GPM6A: variants seen among roughly 807,000 people sequenced by gnomAD.
The protein encoded by GPM6A is neuronal membrane glycoprotein M6-a.
GPM6A carries 7 observed loss-of-function variants against 32.1 expected under a neutral mutation model. The ratio of observed to expected loss-of-function variants is 0.22; its 90% CI spans 0.12 to 0.41. The LOEUF (loss-of-function observed/expected upper bound fraction) is 0.41, where lower values mean the gene tolerates loss of function less well. Among genes scored for constraint, GPM6A ranks in the 10% least tolerant of loss-of-function variants. GPM6A has a pLI of 1.00. For synonymous variants in GPM6A, 130 were observed against 123.4 expected, an observed-to-expected ratio of 1.05 and a Z score of -0.35; for missense variants, 235 against 347.2, an observed-to-expected ratio of 0.68 and a Z score of 2.57.
At chr4:175,855,936 G>A (rs1736400642) in intron 1 of GPM6A, among the ~76,000 whole-genome samples, 2 of 152,214 alleles carry the variant, frequency 1.3e-5, no homozygotes. Flanking sequence ...GAGCACGTAA[G>A]AGCCTAGCGC....
At chr4:175,691,392 A>G (rs1414039471) in intron 2 of GPM6A, among the ~76,000 whole-genome samples, 1 of 152,200 alleles carries the variant, frequency 6.6e-6, no homozygotes, top group African/African-American at 2.4e-5. Flanking sequence ...CAACTGTTTT[A>G]CTAATTGTAA....
At chr4:175,682,682 G>A (rs566225923) in intron 2 of GPM6A, among the ~76,000 whole-genome samples, 19 of 152,230 alleles carry the variant, frequency 1.2e-4, no homozygotes, top group African/African-American at 4.6e-4. Context: ...GGCTCAAAAG[G>A]CACCAGATAC....
intron 1 of GPM6A, among the ~76,000 whole-genome samples, chr4:175,774,499 A>T (rs1733316755): frequency 6.6e-6 from 1 of 151,970 alleles, no homozygotes; most frequent in Non-Finnish European, 1.5e-5. Flanking sequence ...AAACAATCAA[A>T]CTCACCTCTG....
chr4:175,852,764 C>G (rs1736298317), intron 1 of GPM6A, among the ~76,000 whole-genome samples: 1 of 152,118 alleles, frequency 6.6e-6, no homozygotes, highest in Admixed American at 6.6e-5. Flanking sequence ...AAGTCCTTTT[C>G]CATCTGCTGT....
intron 1 of GPM6A, among the ~76,000 whole-genome samples, chr4:175,772,389 A>C (rs1275202437): frequency 6.6e-6 from 1 of 152,188 alleles, no homozygotes; most frequent in Non-Finnish European, 1.5e-5. Flanking sequence ...GCAATGTGAG[A>C]GAAGAATGTC....
At chr4:175,818,649 T>A (rs1735184231) in intron 1 of GPM6A, among the ~76,000 whole-genome samples, 1 of 152,252 alleles carries the variant, frequency 6.6e-6, no homozygotes, top group Non-Finnish European at 1.5e-5. Flanking sequence ...AATAAATGAA[T>A]GAACAAACTC....
intron 1 of GPM6A, among the ~76,000 whole-genome samples, chr4:175,866,436 C>T (rs1280884926): frequency 6.6e-6 from 1 of 152,166 alleles, no homozygotes; most frequent in Non-Finnish European, 1.5e-5. Context: ...ACCTCTCCAT[C>T]CCTCAACCCC....
At chr4:175,869,497 G>A (rs1266525483) in intron 1 of GPM6A, among the ~76,000 whole-genome samples, 3 of 151,388 alleles carry the variant, frequency 2.0e-5, no homozygotes, top group Non-Finnish European at 4.4e-5. Context: ...GGTGGCTCAC[G>A]TCTGTAATCC....
At chr4:175,835,738 T>C (rs1400958207) in intron 1 of GPM6A, among the ~76,000 whole-genome samples, 1 of 147,468 alleles carries the variant, frequency 6.8e-6, no homozygotes, top group Admixed American at 6.8e-5. Flanking sequence ...ATATATAATA[T>C]ATTATTTTTT....
At chr4:175,901,642 C>CTTTT (rs59429547) in intron 1 of GPM6A, among the ~76,000 whole-genome samples, 33 of 119,450 alleles carry the variant, frequency 2.8e-4, no homozygotes, top group African/African-American at 9.2e-4. Context: ...TTTTTTTTTC[C>CTTTT]TTTTTTTTTT....
At chr4:175,918,527 A>G (rs1004877061) in intron 1 of GPM6A, among the ~76,000 whole-genome samples, 1 of 152,184 alleles carries the variant, frequency 6.6e-6, no homozygotes, top group Non-Finnish European at 1.5e-5. Context: ...AAAGCTACAA[A>G]TGAATTCTGG....
chr4:175,827,852 C>T (rs1735487113), intron 1 of GPM6A, among the ~76,000 whole-genome samples: 1 of 152,158 alleles, frequency 6.6e-6, no homozygotes, highest in Non-Finnish European at 1.5e-5. Flanking sequence ...TTGGCACAGA[C>T]ATGGTTGGCA....
intron 6 of GPM6A, among the ~76,000 whole-genome samples, chr4:175,637,019 T>C (rs1740664955): frequency 7.5e-6 from 1 of 133,350 alleles, no homozygotes; most frequent in Non-Finnish European, 1.6e-5. Flanking sequence ...TATAAAAATA[T>C]ATATAATACA....
At chr4:175,728,049 C>T (rs1015490990) in intron 1 of GPM6A, among the ~76,000 whole-genome samples, 1 of 151,000 alleles carries the variant, frequency 6.6e-6, no homozygotes, top group Non-Finnish European at 1.5e-5. Context: ...TAGAAAATAT[C>T]CTTAACAATT....
intron 1 of GPM6A, among the ~76,000 whole-genome samples, chr4:175,988,431 A>C (rs1028115665): frequency 1.3e-5 from 2 of 152,212 alleles, no homozygotes; most frequent in African/African-American, 4.8e-5. Flanking sequence ...TTGTCCTATG[A>C]AAGAACATAT....
chr4:175,719,765 A>G (rs1579423682), intron 1 of GPM6A, among the ~76,000 whole-genome samples: 2 of 152,292 alleles, frequency 1.3e-5, no homozygotes, highest in South Asian at 2.1e-4. Context: ...TGCAAGCAGT[A>G]TCTTTTCTCA....
intron 1 of GPM6A, among the ~76,000 whole-genome samples, chr4:175,941,056 A>C (rs1013045397): frequency 1.3e-5 from 2 of 152,232 alleles, no homozygotes; most frequent in Non-Finnish European, 1.5e-5. Context: ...CTTAACAAAC[A>C]TTAAGAAATA....
intron 1 of GPM6A, among the ~76,000 whole-genome samples, chr4:175,904,614 G>A (rs994629433): frequency 1.3e-5 from 2 of 152,100 alleles, no homozygotes; most frequent in South Asian, 2.1e-4. Context: ...AAGGATGAAC[G>A]TTTGGAGATT....
At position 175,676,992 on chromosome 4, in the gene GPM6A, C is replaced by T. The variant is rs563729396; in HGVS notation, c.231-3156G>A. Among the ~76,000 whole-genome samples the T allele has an allele frequency of 1.6e-4, 25 of 152,168 alleles. No individual in the cohort carries two copies. In the East Asian group the frequency reaches 2.1e-3, roughly 13 times the overall value. On this transcript the variant is annotated intron_variant, in intron 2 of 6. Transcript: ENST00000393658. ...TATATCCTTTGTGGCTCAAACTTAA[C>T]TTGTCAAATTATTTAAGTAAATTTC...
Sources: gnomAD v4.1 joint callset for allele counts (sites outside exome capture counted in the v4.1 genomes callset) on GRCh38, gnomAD v4.1.1 for gene constraint, MANE v1.5 for transcripts, NCBI Gene and HGNC (gene_info 2026-07-23, HGNC 2026-07-21) for gene names.